The following RAD51B variants were observed in gnomAD, a reference collection of about 807,000 sequenced individuals.
RAD51B encodes the protein DNA repair protein RAD51 homolog 2.
In RAD51B, 38 loss-of-function variants were observed where a neutral mutation model predicts 42.2. The observed-to-expected ratio is 0.90, with a 90% CI of 0.70 to 1.18. The LOEUF is 1.18. RAD51B is among the 50% of genes most tolerant of loss of function. The pLI is 0.00. For missense variants in RAD51B, 373 were observed against 400.7 expected (o/e 0.93, Z 0.59); for synonymous variants, 154 against 145.2 (o/e 1.06, Z -0.43).
Position 68,594,407 on chromosome 14 carries a change from T to C in RAD51B, c.1037-78T>C, listed in dbSNP as rs1377360988. On this transcript the variant is annotated intron_variant, in intron 10 of 10. Coordinates refer to the RAD51B transcript ENST00000487270. The stretch of plus-strand genomic sequence containing the variant: ...TCCATCAGGTCTTCCTCAACCATCC[T>C]CTTCAGGAAGCCTCAGGGCCTCAGA... 7 of 1,296,048 alleles carry C rather than the reference T, an allele frequency of 5.4e-6. No individual in the cohort carries two copies. In the East Asian group the frequency reaches 3.2e-4, roughly 59 times the overall value. 80.3% of individuals were successfully genotyped at this position (1,296,048 alleles called of 1,614,324 possible). A position where few individuals can be genotyped will look rare whatever the true frequency, so the allele number is the denominator to read the frequency against.
At chr14:68,048,419 T>C (rs1396378269) in intron 7 of RAD51B, among the ~76,000 whole-genome samples, 1 of 152,228 alleles carries the variant, frequency 6.6e-6, no homozygotes, top group Admixed American at 6.5e-5. Flanking sequence ...GTAGTTTCTT[T>C]TGCTGTGCAG....
rs565599204 is a variant in RAD51B at position 68,471,387 on chromosome 14, G to A, written c.1036+3137G>A. On this transcript the variant is annotated intron_variant, in intron 10 of 10. Coordinates refer to ENST00000471583, the MANE Select transcript of RAD51B (RefSeq NM_133510.4). The stretch of plus-strand genomic sequence containing the variant: ...CTAGCCCGGAGATTTTATAATACCT[G>A]AAGAACTCCTGAGTGCTCAAGCAGA... Among the ~76,000 whole-genome samples the A allele has an allele frequency of 2.6e-5, 4 of 152,234 alleles. No individual in the cohort carries two copies. The East Asian group carries it at 5.8e-4, about 22-fold the overall frequency.
intron 11 of RAD51B, among the ~76,000 whole-genome samples, chr14:68,680,311 T>C (rs1005860466): frequency 3.9e-5 from 6 of 152,218 alleles, no homozygotes; most frequent in African/African-American, 1.4e-4. Context: ...GACTGTGGAA[T>C]TGGGAAGAGA....
Position 68,122,960 on chromosome 14 carries a change from A to AC in RAD51B, c.757-168924_757-168923insC, listed in dbSNP as rs1566661863. 1.1e-4 allele frequency among the ~76,000 whole-genome samples: 16 copies of AC among 150,134 alleles called. No individual in the cohort carries two copies. In the East Asian group the frequency reaches 2.7e-3, roughly 26 times the overall value. The stretch of plus-strand genomic sequence containing the variant: ...AACATGCTCTCCTTTGTATAAAACA[A>AC]ACACACACACACACACACACAGACA... On this transcript the variant is annotated intron_variant, in intron 7 of 10. Transcript: ENST00000471583.
At chr14:68,524,800 A>ATT (rs1886817038) in intron 10 of RAD51B, among the ~76,000 whole-genome samples, 1 of 152,168 alleles carries the variant, frequency 6.6e-6, no homozygotes, top group Admixed American at 6.5e-5. Flanking sequence ...CATTTATGTG[A>ATT]TTTCCAGTGT....
chr14:68,055,143 CAT>C (rs1385640428), intron 7 of RAD51B, among the ~76,000 whole-genome samples: 2 of 152,118 alleles, frequency 1.3e-5, no homozygotes, highest in African/African-American at 4.8e-5. Flanking sequence ...CTTATCTAAA[CAT>C]GTAATCATTT....
intron 7 of RAD51B, among the ~76,000 whole-genome samples, chr14:67,921,765 C>T (rs889586760): frequency 6.6e-6 from 1 of 152,166 alleles, no homozygotes; most frequent in Non-Finnish European, 1.5e-5. Flanking sequence ...GCCACTCTCT[C>T]TGTGGAATTT....
intron 7 of RAD51B, among the ~76,000 whole-genome samples, chr14:68,065,847 T>C (rs1193972264): frequency 1.3e-5 from 2 of 152,102 alleles, no homozygotes; most frequent in African/African-American, 2.4e-5. Flanking sequence ...ACATAATGCC[T>C]AATACTATAT....
At chr14:68,138,793 A>G (rs2078063082) in intron 7 of RAD51B, among the ~76,000 whole-genome samples, 3 of 152,176 alleles carry the variant, frequency 2.0e-5, no homozygotes, top group Non-Finnish European at 4.4e-5. Flanking sequence ...CACTGAACAG[A>G]CTTTTATAGC....
At chr14:68,602,265 A>ACACACAAACATAGACATATGTTATGTT (rs1303257644) in intron 10 of RAD51B, among the ~76,000 whole-genome samples, 10 of 151,982 alleles carry the variant, frequency 6.6e-5, no homozygotes, top group South Asian at 2.1e-4. Context: ...GCAAGCTGGG[A>ACACACAAACATAGACATATGTTATGTT]CACACAAACA....
intron 7 of RAD51B, among the ~76,000 whole-genome samples, chr14:68,150,879 T>C (rs1210480593): frequency 1.3e-5 from 2 of 152,168 alleles, no homozygotes; most frequent in African/African-American, 4.8e-5. Flanking sequence ...GTCATACATT[T>C]TACTTACACA....
chr14:68,359,399 A>C (rs558458805), intron 8 of RAD51B, among the ~76,000 whole-genome samples: 2 of 151,732 alleles, frequency 1.3e-5, no homozygotes, highest in African/African-American at 4.8e-5. Context: ...GTTTTGGAAG[A>C]GGGCTGGGTA....
chr14:68,301,437 C>T (rs1440998141), intron 8 of RAD51B, among the ~76,000 whole-genome samples: 1 of 152,064 alleles, frequency 6.6e-6, no homozygotes, highest in East Asian at 1.9e-4. Context: ...GGATCCAAGG[C>T]CAGCCAGGAA....
chr14:68,682,268 G>A (rs896214464), intron 11 of RAD51B, among the ~76,000 whole-genome samples: 3 of 152,126 alleles, frequency 2.0e-5, no homozygotes, highest in African/African-American at 7.2e-5. Context: ...TCTGTCTCCG[G>A]TAAACCTAAC....
At position 68,565,748 on chromosome 14, in the gene RAD51B, A is replaced by G. The variant is rs1463671588; in HGVS notation, c.1037-28737A>G. ...CTTGCTTTCACCCTAATGTATTTTC[A>G]TGAAATACTTAACATCTTCATGTCA... On this transcript the variant is annotated intron_variant, in intron 10 of 10. Transcript: ENST00000487270. This position sits in a 1 kb window ranked among gnomAD's most constrained non-coding sequence, Gnocchi z 4.1. 6.6e-6 allele frequency among the ~76,000 whole-genome samples: 1 copy of G among 152,234 alleles called. No individual in the cohort carries two copies. Among genetic ancestry groups the G allele is most frequent in the African/African-American group, 2.4e-5 (1 of 41,460 alleles).
chr14:68,220,238 C>A (rs979252094), intron 7 of RAD51B, among the ~76,000 whole-genome samples: 2 of 152,132 alleles, frequency 1.3e-5, no homozygotes, highest in Non-Finnish European at 2.9e-5. Flanking sequence ...GAAGAGAAAT[C>A]TGAAAGTTTA....
chr14:68,103,594 A>T (rs1388659645), intron 7 of RAD51B, among the ~76,000 whole-genome samples: 1 of 152,186 alleles, frequency 6.6e-6, no homozygotes, highest in Non-Finnish European at 1.5e-5. Context: ...GTCTGCACCC[A>T]TTTCTCATTT....
In RAD51B at chr14:67,850,223, A is replaced by G. The variant is rs138151892; in HGVS notation, c.316-14780A>G. ...CGTCTTGAACTCCTGGGCTCAAGCA[A>G]TCCTCCTGCTTTGGCCTCCAGGGTT... On this transcript the variant is annotated intron_variant, in intron 4 of 10. Coordinates refer to ENST00000471583, the MANE Select transcript of RAD51B (RefSeq NM_133510.4). 2.6e-5 allele frequency among the ~76,000 whole-genome samples: 4 copies of G among 152,304 alleles called. No homozygotes were observed. In the East Asian group the frequency reaches 5.8e-4, roughly 22 times the overall value.
At chr14:67,821,380 G>T (rs1306925440) in intron 1 of RAD51B, among the ~76,000 whole-genome samples, 1 of 152,160 alleles carries the variant, frequency 6.6e-6, no homozygotes, top group Non-Finnish European at 1.5e-5. Context: ...GCAAGTGATG[G>T]GAGTGGCCCT....
Sources: allele counts gnomAD v4.1 joint callset (sites outside exome capture counted in the v4.1 genomes callset), GRCh38; gene constraint gnomAD v4.1.1; non-coding constraint Gnocchi (gnomAD v3.1); transcripts MANE v1.5; gene names NCBI Gene and HGNC (gene_info 2026-07-23, HGNC 2026-07-21).